The following CD80 variants were observed in gnomAD, a reference collection of about 807,000 sequenced individuals.
The protein encoded by CD80 is CD80 molecule, also known as T-lymphocyte activation antigen CD80.
Under a neutral mutation model 27.1 loss-of-function variants are expected in CD80, and 13 were observed. The observed-to-expected ratio is 0.48, with a 90% CI of 0.31 to 0.76. The LOEUF is 0.76. CD80 is among the 30% of genes least tolerant of loss of function. CD80 has a pLI of 0.04. For synonymous variants in CD80, 125 were observed against 125.5 expected, an observed-to-expected ratio of 1.00 and a Z score of 0.03; for missense variants, 277 against 347.9, an observed-to-expected ratio of 0.80 and a Z score of 1.62.
intron 2 of CD80, among the ~76,000 whole-genome samples, chr3:119,550,934 G>T (rs1028872848): frequency 2.0e-5 from 3 of 152,042 alleles, no homozygotes; most frequent in Admixed American, 2.0e-4. Flanking sequence ...CATCCTCCCT[G>T]CCCCCCTCCA....
intron 4 of CD80, among the ~76,000 whole-genome samples, chr3:119,533,305 ACT>A (rs2082119511): frequency 6.6e-6 from 1 of 152,058 alleles, no homozygotes; most frequent in Non-Finnish European, 1.5e-5. Context: ...CATGAGTATG[ACT>A]CTCTCAGATG....
At position 119,537,315 on chromosome 3, in the gene CD80, GGAGAGGT is replaced by G; in HGVS notation, c.515_521del (p.His172ProfsTer9). On this transcript the variant is annotated frameshift_variant, in exon 4 of 7. Transcript: ENST00000264246. LOFTEE classifies it high-confidence loss of function. ...TTAATTCTTCTCCATTTTCCAACCA[GGAGAGGT>G]GAGGCTCTGGAAAACCTCCAGAGGT... 1 of 1,614,098 alleles carries G rather than the reference GGAGAGGT, an allele frequency of 6.2e-7. No homozygotes were observed. Among genetic ancestry groups the G allele is most frequent in the Non-Finnish European group, 8.5e-7 (1 of 1,179,988 alleles).
rs767373131 is a variant in CD80 at position 119,544,780 on chromosome 3, C to T, written c.188G>A (p.Arg63His). 4.3e-6 allele frequency: 7 copies of T among 1,614,118 alleles called. No homozygotes were observed. The highest frequency in any genetic ancestry group is 1.1e-5 in the South Asian group (1 of 91,068). The change falls in exon 3 of 7, where the codon CGC becomes CAC. Residue 63 changes from arginine to histidine, a missense_variant. Transcript: ENST00000264246. Reference sequence around the variant, plus strand: ...TTTCTTCTCCTTTTGCCAGTAGATGCGAGTTTGTGCCAGCTCTTCAACAGA... The same window carrying T: ...TTTCTTCTCCTTTTGCCAGTAGATGTGAGTTTGTGCCAGCTCTTCAACAGA... ...NVSVEELAQT[R>H]IYWQKEKKMV...
intron 2 of CD80, among the ~76,000 whole-genome samples, chr3:119,547,664 C>T (rs1053520462): frequency 3.9e-5 from 6 of 152,174 alleles, no homozygotes; most frequent in African/African-American, 1.4e-4. Context: ...CTAAATCTAG[C>T]ATTCCAGACA....
intron 3 of CD80, among the ~76,000 whole-genome samples, chr3:119,541,990 G>A (rs1482975807): frequency 6.6e-6 from 1 of 151,012 alleles, no homozygotes; most frequent in Non-Finnish European, 1.5e-5. Context: ...CTTCTCTCTC[G>A]GTAGTCCATT....
intron 3 of CD80, among the ~76,000 whole-genome samples, chr3:119,542,434 T>G (rs1327771231): frequency 1.3e-5 from 2 of 148,590 alleles, no homozygotes; most frequent in Admixed American, 6.6e-5. Context: ...TCATTATGTT[T>G]TATTAAGTAA....
chr3:119,525,852 TTATATATG>T lies in CD80; in HGVS notation c.*39-111_*39-104del, dbSNP rs200047035. On this transcript the variant is annotated intron_variant, in intron 6 of 6. Coordinates refer to ENST00000264246, the MANE Select transcript of CD80 (RefSeq NM_005191.4). ...AAATTATACATATATAATTTTTAAA[TTATATATG>T]TATATATGTATATATAATTTAATTA... 8.4e-3 allele frequency: 1,237 copies of T among 146,620 alleles called. 8 individuals are homozygous for T. Among genetic ancestry groups the T allele is most frequent in the African/African-American group, 0.029 (1,175 of 40,122 alleles). The allele number at this position is 146,620 out of a possible 1,614,324, so 9.1% of individuals were successfully genotyped here.
chr3:119,527,937 T>TA, intron 5 of CD80, 96 bp from the exon 6 acceptor site: 1 of 1,055,624 alleles, frequency 9.5e-7, no homozygotes, highest in Non-Finnish European at 1.4e-6. Context: ...TCAGACTGGC[T>TA]TAGAACTGGA....
At position 119,547,859 on chromosome 3, in the gene CD80, A is replaced by C. The variant is rs571397339; in HGVS notation, c.101-2992T>G. On this transcript the variant is annotated intron_variant, in intron 2 of 6. Transcript: ENST00000264246. Reference sequence around the variant, plus strand: ...ATACATACCACTGTGTGCTGCTCCTACATCCAGTTCAACACCCCACCAAAT... The same window carrying C: ...ATACATACCACTGTGTGCTGCTCCTCCATCCAGTTCAACACCCCACCAAAT... Among the ~76,000 whole-genome samples, 3 of 152,282 alleles carry C rather than the reference A, an allele frequency of 2.0e-5. No individual in the cohort carries two copies. The East Asian group carries it at 5.8e-4, about 29-fold the overall frequency.
At chr3:119,528,023 T>C (rs894984044) in intron 5 of CD80, among the ~76,000 whole-genome samples, 182 bp from the exon 6 acceptor site, 1 of 152,156 alleles carries the variant, frequency 6.6e-6, no homozygotes, top group Non-Finnish European at 1.5e-5. Flanking sequence ...TTGGCAATGC[T>C]TGGGGATATT....
At chr3:119,533,354 G>A (rs1476536575) in intron 4 of CD80, among the ~76,000 whole-genome samples, 4 of 151,400 alleles carry the variant, frequency 2.6e-5, no homozygotes, top group African/African-American at 7.3e-5. Context: ...AACAAATTTG[G>A]TGAGACTACA....
At chr3:119,538,842 A>T (rs868041758) in intron 3 of CD80, among the ~76,000 whole-genome samples, 12 of 152,174 alleles carry the variant, frequency 7.9e-5, no homozygotes, top group African/African-American at 2.7e-4. Context: ...CTAATTTACA[A>T]ACCTGTGACC....
chr3:119,532,655 T>C (rs181088479), intron 4 of CD80, among the ~76,000 whole-genome samples: 1 of 152,364 alleles, frequency 6.6e-6, no homozygotes, highest in African/African-American at 2.4e-5. Context: ...ACCATTTAGT[T>C]ACCCAAATAA....
chr3:119,544,986 A>G lies in CD80; in HGVS notation c.101-119T>C, dbSNP rs1577111044. 10 of 755,554 alleles carry G rather than the reference A, an allele frequency of 1.3e-5. No individual in the cohort carries two copies. In the East Asian group the frequency reaches 2.4e-4, roughly 18 times the overall value. 46.8% of individuals were successfully genotyped at this position (755,554 alleles called of 1,614,324 possible). On this transcript the variant is annotated intron_variant, in intron 2 of 6. Transcript: ENST00000264246. ...GTGTTGTGTCTAGTGACTAAGTATCAATCCAGTTTGATTTTTGGGGTCCCC... is the reference window on the plus strand; with the variant it reads ...GTGTTGTGTCTAGTGACTAAGTATCGATCCAGTTTGATTTTTGGGGTCCCC...
chr3:119,550,142 C>A (rs931487216), intron 2 of CD80, among the ~76,000 whole-genome samples: 23 of 152,208 alleles, frequency 1.5e-4, no homozygotes. Flanking sequence ...CCAACTCTTA[C>A]CTTTCATTTC....
chr3:119,527,698 G>A lies in CD80; in HGVS notation c.*38+35C>T, dbSNP rs771800284. The A allele has an allele frequency of 5.0e-5, 64 of 1,272,310 alleles. No homozygotes were observed. The Admixed American group carries it at 1.0e-3, about 20-fold the overall frequency. 78.8% of individuals were successfully genotyped at this position (1,272,310 alleles called of 1,614,324 possible). A position where few individuals can be genotyped will look rare whatever the true frequency, so the allele number is the denominator to read the frequency against. ...GGGAAGAATGCCTCATGATCCCCACGATCCATGTATCCCAGAAGAGATGAC... is the reference window on the plus strand; with the variant it reads ...GGGAAGAATGCCTCATGATCCCCACAATCCATGTATCCCAGAAGAGATGAC... On this transcript the variant is annotated intron_variant, in intron 6 of 6. Coordinates refer to ENST00000264246, the MANE Select transcript of CD80 (RefSeq NM_005191.4).
intron 4 of CD80, among the ~76,000 whole-genome samples, chr3:119,531,742 C>T (rs2082112951): frequency 6.6e-6 from 1 of 152,132 alleles, no homozygotes; most frequent in African/African-American, 2.4e-5. Flanking sequence ...CAGCTCACTG[C>T]AATCTCTGCC....
chr3:119,535,852 G>A (rs1459603583), intron 4 of CD80, among the ~76,000 whole-genome samples: 1 of 152,102 alleles, frequency 6.6e-6, no homozygotes, highest in Non-Finnish European at 1.5e-5. Context: ...CAGTTCCAAA[G>A]GGCAAATTTT....
At chr3:119,552,430 G>T (rs1390163192) in intron 2 of CD80, among the ~76,000 whole-genome samples, 1 of 149,924 alleles carries the variant, frequency 6.7e-6, no homozygotes, top group African/African-American at 2.4e-5. Context: ...GGAGAATGGC[G>T]TGAAGCCGGG....
Sources: gnomAD v4.1 joint callset for allele counts (sites outside exome capture counted in the v4.1 genomes callset) on GRCh38, gnomAD v4.1.1 for gene constraint, MANE v1.5 for transcripts, NCBI Gene and HGNC (gene_info 2026-07-23, HGNC 2026-07-21) for gene names.